UBN1: variants seen among roughly 807,000 people sequenced by gnomAD.
The protein encoded by UBN1 is ubinuclein 1.
A neutral mutation model predicts 108.5 loss-of-function variants in UBN1; 17 were observed. The observed-to-expected ratio is 0.16, with a 90% confidence interval of 0.11 to 0.24. UBN1 has a LOEUF of 0.24. UBN1 is among the 10% of genes least tolerant of loss of function. The pLI is 1.00. For missense variants in UBN1, 1,595 were observed against 1,394.4 expected (o/e 1.14, Z -2.29); for synonymous variants, 726 against 564.2 (o/e 1.29, Z -4.07).
In UBN1 at chr16:4,874,688, T is replaced by G. The variant is rs1410328358; in HGVS notation, c.2278T>G (p.Tyr760Asp). Residue 760 changes from tyrosine (Y) to aspartate (D), a missense_variant, in exon 15 of 18, where the codon TAC becomes GAC. Transcript: ENST00000262376. ...SQEKKPESSG[Y>D]KELSCQAPLN... ...GGAGAAAAAACCAGAGAGTTCTGGC[T>G]ACAAAGAGCTGTCCTGCCAGGCTCC... 6.2e-7 allele frequency: 1 copy of G among 1,614,130 alleles called. No homozygotes were observed. The highest frequency in any genetic ancestry group is 1.1e-5 in the South Asian group (1 of 91,078).
chr16:4,875,954 C>CT (rs1191337736), intron 15 of UBN1, among the ~76,000 whole-genome samples: 2 of 132,938 alleles, frequency 1.5e-5, no homozygotes, highest in Admixed American at 7.8e-5. Context: ...ATTTTCTTTT[C>CT]TTTTTTTCTT....
Position 4,874,504 on chromosome 16 carries a change from C to T in UBN1, c.2094C>T (p.Pro698=). 1.2e-6 allele frequency: 2 copies of T among 1,614,232 alleles called. No homozygotes were observed. The highest frequency in any genetic ancestry group is 1.3e-5 in the African/African-American group (1 of 75,066). The part of the protein sequence containing the change: ...AGNSEFTLPA[P]SKAPAEKVGG... ...ACTCTGAATTCACACTGCCTGCACC[C>T]TCAAAAGCACCTGCAGAAAAAGTTG... is the stretch of plus-strand genomic sequence containing the variant. Residue 698 remains proline (P), a synonymous_variant, in exon 15 of 18, where the codon CCC becomes CCT. Transcript: ENST00000262376.
At position 4,875,274 on chromosome 16, in the gene UBN1, G is replaced by T. The variant is rs150222115; in HGVS notation, c.2864G>T (p.Gly955Val). 148 of 1,614,194 alleles carry T rather than the reference G, an allele frequency of 9.2e-5. 1 individual carries two copies. The African/African-American group carries it at 1.8e-3, about 19-fold the overall frequency. Reference protein sequence around the residue: ...ATSRPVPSSAGKKMPVSQKLT... With the variant: ...ATSRPVPSSAVKKMPVSQKLT... ...AGCCGACCCGTCCCAAGTTCAGCAG[G>T]GAAAAAAATGCCTGTTTCCCAGAAG... Residue 955 changes from glycine (G) to valine (V), a missense_variant, in exon 15 of 18, where the codon GGG (glycine) becomes GTG (valine). Coordinates refer to ENST00000262376, the MANE Select transcript of UBN1 (RefSeq NM_001079514.3).
Position 4,871,144 on chromosome 16 carries a change from C to G in UBN1, c.1560-11C>G. ...GTAGTTTGGAGTTTCTGATTTCTGC[C>G]TCCTTCTCAGGGAGCTACTGTGCCA... On this transcript the variant is annotated splice_polypyrimidine_tract_variant and intron_variant, in intron 11 of 17. Transcript: ENST00000262376. 1 of 1,613,582 alleles carries G rather than the reference C, an allele frequency of 6.2e-7. No homozygotes were observed. Among genetic ancestry groups the G allele is most frequent in the Non-Finnish European group, 8.5e-7 (1 of 1,179,826 alleles).
chr16:4,870,654 T>G lies in UBN1; in HGVS notation c.1430+20T>G. 6.2e-7 allele frequency: 1 copy of G among 1,612,948 alleles called. No homozygotes were observed. Among genetic ancestry groups the G allele is most frequent in the Non-Finnish European group, 8.5e-7 (1 of 1,179,752 alleles). ...TGCCAAGTAAGTTTGTCCTGGCGCT[T>G]GCAGGTGCAACCCTCCCGTCTTGCC... On this transcript the variant is annotated intron_variant, in intron 10 of 17. Coordinates refer to ENST00000262376, the MANE Select transcript of UBN1 (RefSeq NM_001079514.3).
intron 7 of UBN1, among the ~76,000 whole-genome samples, chr16:4,864,041 G>C (rs2087196721): frequency 6.6e-6 from 1 of 151,356 alleles, no homozygotes; most frequent in African/African-American, 2.4e-5. Flanking sequence ...CTTTGTGGGA[G>C]GAATCTGTGA....
At chr16:4,849,503 T>G (rs2086430385) in intron 1 of UBN1, among the ~76,000 whole-genome samples, 1 of 152,074 alleles carries the variant, frequency 6.6e-6, no homozygotes. Context: ...AAGAAAAAAT[T>G]AAAAATTGCT....
rs761814764 is a variant in UBN1, at chr16:4,859,915, T to C, written c.618T>C (p.Asp206=). ...GGEKIKKKKK[D]DTYDKEKKSK... ...AGAAGATAAAGAAGAAGAAAAAAGA[T>C]GACACTTATGACAAGGAGAAGAAAT... Residue 206 remains aspartate, a synonymous_variant, in exon 6 of 18, where the codon GAT becomes GAC. Coordinates refer to ENST00000262376, the MANE Select transcript of UBN1 (RefSeq NM_001079514.3). The C allele has an allele frequency of 2.1e-5, 34 of 1,614,038 alleles. No individual in the cohort carries two copies. The Admixed American group carries it at 5.7e-4, about 27-fold the overall frequency.
chr16:4,860,117 T>G, intron 6 of UBN1, 149 bp downstream of exon 6: 2 of 913,832 alleles, frequency 2.2e-6, no homozygotes, highest in Non-Finnish European at 3.3e-6. Context: ...AGTGCCATTC[T>G]GGGCATAGAC....
chr16:4,851,219 A>T (rs2086541067), intron 1 of UBN1, among the ~76,000 whole-genome samples: 1 of 152,230 alleles, frequency 6.6e-6, no homozygotes, highest in Non-Finnish European at 1.5e-5. Context: ...ATGACCATAT[A>T]GGCTGGGCTC....
At position 4,874,319 on chromosome 16, in the gene UBN1, T is replaced by C. The variant is rs1442187342; in HGVS notation, c.1909T>C (p.Ser637Pro). ...HQTGGLSIGA[S>P]SRELPSQASG... ...AACAGGAGGCCTGAGTATTGGGGCC[T>C]CGAGCAGGGAGCTCCCATCCCAGGC... The change falls in exon 15 of 18, where the codon TCG becomes CCG. Residue 637 changes from serine to proline, a missense_variant. Transcript: ENST00000262376. The C allele has an allele frequency of 6.2e-7, 1 of 1,614,152 alleles. No homozygotes were observed. Among genetic ancestry groups the C allele is most frequent in the Admixed American group, 1.7e-5 (1 of 60,016 alleles).
intron 7 of UBN1, among the ~76,000 whole-genome samples, chr16:4,862,692 A>G (rs1007449179): frequency 6.6e-6 from 1 of 152,264 alleles, no homozygotes; most frequent in Non-Finnish European, 1.5e-5. Context: ...CACTCGTGCC[A>G]TAGGTTGTGT....
chr16:4,869,352 G>A (rs1385981781), intron 8 of UBN1, among the ~76,000 whole-genome samples: 1 of 152,258 alleles, frequency 6.6e-6, no homozygotes, highest in African/African-American at 2.4e-5. Flanking sequence ...AGTGCCACGT[G>A]CATCATCCCT....
chr16:4,874,233 A>C lies in UBN1; in HGVS notation c.1823A>C (p.Lys608Thr). 1 of 1,564,818 alleles carries C rather than the reference A, an allele frequency of 6.4e-7. No individual in the cohort carries two copies. The change falls in exon 15 of 18, where the codon AAA becomes ACA. Residue 608 changes from lysine to threonine, a missense_variant. By Grantham distance (78) the Lys-to-Thr change is moderately conservative. Around this residue, in one of 3 missense-constraint regions of UBN1, gnomAD observed 1,398 missense variants for 1,194.7 expected, o/e 1.17. Coordinates refer to ENST00000262376, the MANE Select transcript of UBN1 (RefSeq NM_001079514.3). ...TAGGAATCGTCTACGAAGCCTGATA[A>C]AAAGGTTTCTGTCCCATCAGGACAG... The part of the protein sequence containing the change: ...KVKESSTKPD[K>T]KVSVPSGQIG...
chr16:4,866,073 T>C (rs1289018711), intron 7 of UBN1, among the ~76,000 whole-genome samples: 1 of 152,212 alleles, frequency 6.6e-6, no homozygotes, highest in Non-Finnish European at 1.5e-5. Flanking sequence ...TTAATTAGTT[T>C]GAATTAATGT....
At chr16:4,871,383 T>G (rs1567942266) in intron 12 of UBN1, 82 bp downstream of exon 12, 5 of 1,534,822 alleles carry the variant, frequency 3.3e-6, no homozygotes, top group Non-Finnish European at 4.4e-6. Flanking sequence ...AACAGGATCC[T>G]TGCTCACAGG....
At position 4,877,708 on chromosome 16, in the gene UBN1, T is replaced by A. The variant is rs1014784015; in HGVS notation, c.3355+234T>A. The A allele has an allele frequency of 2.4e-6, 3 of 1,226,362 alleles. No individual in the cohort carries two copies. In the African/African-American group the frequency reaches 4.7e-5, roughly 19 times the overall value. The allele number at this position is 1,226,362 out of a possible 1,614,324, so 76.0% of individuals were successfully genotyped here. A position where few individuals can be genotyped will look rare whatever the true frequency, so the allele number is the denominator to read the frequency against. ...GCCAGGTCAGCCTCAGCCTGTGTGA[T>A]CACAGGGAAAGTTGCGGGGGGCAGG... On this transcript the variant is annotated intron_variant, in intron 17 of 17. Transcript: ENST00000262376. This position sits in a 1 kb window ranked among gnomAD's most constrained non-coding sequence, Gnocchi z 4.3.
intron 7 of UBN1, among the ~76,000 whole-genome samples, chr16:4,864,993 T>A (rs1228986139): frequency 6.6e-6 from 1 of 152,248 alleles, no homozygotes; most frequent in East Asian, 1.9e-4. Context: ...AGGTGACTTT[T>A]CTTAGAATAA....
Position 4,877,773 on chromosome 16 carries a change from T to A in UBN1, c.3355+299T>A. The A allele has an allele frequency of 1.1e-5, 12 of 1,083,716 alleles. No homozygotes were observed. The highest frequency in any genetic ancestry group is 1.0e-5 in the Non-Finnish European group (9 of 896,786). 67.1% of individuals were successfully genotyped at this position (1,083,716 alleles called of 1,614,324 possible). A position where few individuals can be genotyped will look rare whatever the true frequency, so the allele number is the denominator to read the frequency against. On this transcript the variant is annotated intron_variant, in intron 17 of 17. Transcript: ENST00000262376. The surrounding 1 kb of genome is among the most constrained non-coding windows in gnomAD (Gnocchi z 4.3). ...TGTGCGGTGGAGGAGTTCCTAACCCTCGGCTTGTTTTTTTCTCTTCAGTTT... is the reference window on the plus strand; with the variant it reads ...TGTGCGGTGGAGGAGTTCCTAACCCACGGCTTGTTTTTTTCTCTTCAGTTT...
Sources: gnomAD v4.1 joint callset for allele counts (sites outside exome capture counted in the v4.1 genomes callset) on GRCh38, gnomAD v4.1.1 for gene constraint, gnomAD v4.1.1 regional missense constraint, Gnocchi (gnomAD v3.1) non-coding constraint, MANE v1.5 for transcripts, NCBI Gene and HGNC (gene_info 2026-07-23, HGNC 2026-07-21) for gene names.